KIAA0232: variants seen among roughly 807,000 people sequenced by gnomAD.
KIAA0232 encodes the protein uncharacterized protein KIAA0232.
In KIAA0232, 27 loss-of-function variants were observed where a neutral mutation model predicts 122.0. The ratio of observed to expected loss-of-function variants is 0.22; its 90% CI spans 0.16 to 0.31. The LOEUF (loss-of-function observed/expected upper bound fraction) is 0.31, where lower values mean the gene tolerates loss of function less well. KIAA0232 is among the 10% of genes least tolerant of loss of function. The pLI, the probability that KIAA0232 is intolerant of heterozygous loss-of-function variation, is 1.00. For missense variants in KIAA0232, 1,551 were observed against 1,634.2 expected (o/e 0.95, Z 0.88); for synonymous variants, 613 against 587.6 (o/e 1.04, Z -0.63).
At chr4:6,832,578 A>G (rs1165587026) in intron 3 of KIAA0232, among the ~76,000 whole-genome samples, 6 of 152,072 alleles carry the variant, frequency 3.9e-5, no homozygotes, top group Admixed American at 1.3e-4. Context: ...CGAGCTCCTG[A>G]CCTCAAGTGA....
At chr4:6,841,130 C>CT (rs1375344349) in intron 3 of KIAA0232, among the ~76,000 whole-genome samples, 2 of 152,124 alleles carry the variant, frequency 1.3e-5, no homozygotes, top group African/African-American at 4.8e-5. Flanking sequence ...TAAAGTCACT[C>CT]TAACATTATT....
chr4:6,856,342 C>A (rs142832949), intron 4 of KIAA0232, among the ~76,000 whole-genome samples: 28 of 152,254 alleles, frequency 1.8e-4, no homozygotes, highest in African/African-American at 6.7e-4. Context: ...TCTAAAGTTT[C>A]TGAGAAATAC....
chr4:6,874,907 A>G (rs1721670830), intron 8 of KIAA0232, among the ~76,000 whole-genome samples: 1 of 152,180 alleles, frequency 6.6e-6, no homozygotes, highest in African/African-American at 2.4e-5. Flanking sequence ...ACCCTCTTGT[A>G]TGTACAGAAT....
chr4:6,857,990 T>G (rs1327156166), intron 5 of KIAA0232, among the ~76,000 whole-genome samples: 1 of 152,224 alleles, frequency 6.6e-6, no homozygotes, highest in Non-Finnish European at 1.5e-5. Flanking sequence ...ACCTACATGT[T>G]AAGTAATAGA....
intron 3 of KIAA0232, among the ~76,000 whole-genome samples, chr4:6,833,156 G>C (rs1026217248): frequency 6.6e-6 from 1 of 152,116 alleles, no homozygotes; most frequent in Admixed American, 6.5e-5. Context: ...TTAACAATAG[G>C]AACTGTAAAA....
chr4:6,796,537 C>T (rs143093861), intron 1 of KIAA0232, among the ~76,000 whole-genome samples: 189 of 152,320 alleles, frequency 1.2e-3, no homozygotes, highest in African/African-American at 4.3e-3. Context: ...CCACCACACC[C>T]GACCATATTG....
At chr4:6,859,541 TTGAAA>T (rs1560198376) in intron 6 of KIAA0232, among the ~76,000 whole-genome samples, 1 of 152,228 alleles carries the variant, frequency 6.6e-6, no homozygotes, top group Non-Finnish European at 1.5e-5. Context: ...TGATTACATG[TTGAAA>T]TGATAATATC....
intron 8 of KIAA0232, among the ~76,000 whole-genome samples, chr4:6,874,517 C>T (rs138988370): frequency 9.1e-4 from 138 of 152,344 alleles, no homozygotes; most frequent in African/African-American, 3.1e-3. Context: ...GCAGTCTCCA[C>T]AGCTCACGCC....
chr4:6,832,505 C>A (rs1015040247), intron 3 of KIAA0232, among the ~76,000 whole-genome samples: 16 of 151,990 alleles, frequency 1.1e-4, no homozygotes, highest in Admixed American at 1.0e-3. Flanking sequence ...CCCACCACCA[C>A]ACCTGGCTAA....
intron 3 of KIAA0232, among the ~76,000 whole-genome samples, chr4:6,835,300 C>T (rs1375909719): frequency 2.0e-5 from 3 of 152,060 alleles, no homozygotes; most frequent in African/African-American, 7.2e-5. Context: ...TTCCATTGCA[C>T]TCTGTTGAGC....
chr4:6,842,071 A>T lies in KIAA0232; in HGVS notation c.236A>T (p.Asn79Ile). Residue 79 changes from asparagine (N) to isoleucine (I), a missense_variant, in exon 4 of 10, where the codon AAT (asparagine) becomes ATT (isoleucine). Around this residue, in one of 5 missense-constraint regions of KIAA0232, gnomAD observed 377 missense variants for 381.7 expected, o/e 0.99. Coordinates refer to ENST00000307659, the MANE Select transcript of KIAA0232 (RefSeq NM_014743.3). The part of the protein sequence containing the change: ...SYDYDLQEQE[N>I]DIFLGWEKGA... Reference sequence around the variant, plus strand: ...CCTGGTGCAATTTCATTGCAGGAGAATGACATCTTCCTGGGCTGGGAAAAA... The same window carrying T: ...CCTGGTGCAATTTCATTGCAGGAGATTGACATCTTCCTGGGCTGGGAAAAA... 1 of 1,613,520 alleles carries T rather than the reference A, an allele frequency of 6.2e-7. No homozygotes were observed. Among genetic ancestry groups the T allele is most frequent in the Non-Finnish European group, 8.5e-7 (1 of 1,179,820 alleles).
At chr4:6,790,812 A>G (rs1421874377) in intron 1 of KIAA0232, among the ~76,000 whole-genome samples, 3 of 151,024 alleles carry the variant, frequency 2.0e-5, no homozygotes, top group African/African-American at 7.3e-5. Context: ...TTTCCTTGCC[A>G]CTGCTTTCTT....
At chr4:6,799,272 C>T (rs1214519713) in intron 1 of KIAA0232, among the ~76,000 whole-genome samples, 1 of 149,712 alleles carries the variant, frequency 6.7e-6, no homozygotes, top group Non-Finnish European at 1.5e-5. Context: ...GTCTCTTATC[C>T]AATTTAGGTG....
At chr4:6,867,546 C>G (rs1721251693) in intron 7 of KIAA0232, among the ~76,000 whole-genome samples, 1 of 152,156 alleles carries the variant, frequency 6.6e-6, no homozygotes, top group Non-Finnish European at 1.5e-5. Context: ...CAACTTAGTA[C>G]CAAGCACCTT....
chr4:6,860,715 TG>T lies in KIAA0232; in HGVS notation c.519-185del, dbSNP rs1720807752. The stretch of plus-strand genomic sequence containing the variant: ...CAGTGCTGAGCAAAATGGTGCTTGA[TG>T]CATGGGACTAATCTTAAGCATATTT... On this transcript the variant is annotated intron_variant, in intron 6 of 9. Transcript: ENST00000307659. 2.6e-5 allele frequency among the ~76,000 whole-genome samples: 4 copies of T among 152,238 alleles called. No homozygotes were observed. In the South Asian group the frequency reaches 8.3e-4, roughly 31 times the overall value.
intron 2 of KIAA0232, among the ~76,000 whole-genome samples, chr4:6,818,616 A>T (rs1718257852): frequency 6.6e-6 from 1 of 152,100 alleles, no homozygotes; most frequent in African/African-American, 2.4e-5. Flanking sequence ...GACTGGAAGA[A>T]TTGATATCAT....
intron 3 of KIAA0232, among the ~76,000 whole-genome samples, chr4:6,833,450 A>G (rs1719100633): frequency 6.6e-6 from 1 of 151,884 alleles, no homozygotes; most frequent in Non-Finnish European, 1.5e-5. Flanking sequence ...GGCAACATGG[A>G]GAAACCCTGT....
chr4:6,804,527 T>C lies in KIAA0232; in HGVS notation c.-349T>C, dbSNP rs1007485794. On this transcript the variant is annotated 5_prime_UTR_variant, in exon 2 of 10. Coordinates refer to ENST00000307659, the MANE Select transcript of KIAA0232 (RefSeq NM_014743.3). ...GCCTGCTTCACTGTTGTGTAGGTAG[T>C]GTACACTGATAAAGGTAGGGCGCGG... 3 of 152,204 alleles carry C rather than the reference T, an allele frequency of 2.0e-5. No individual in the cohort carries two copies. The highest frequency in any genetic ancestry group is 4.8e-5 in the African/African-American group (2 of 41,438). 9.4% of individuals were successfully genotyped at this position (152,204 alleles called of 1,614,324 possible).
At chr4:6,836,919 A>G (rs1719321462) in intron 3 of KIAA0232, among the ~76,000 whole-genome samples, 1 of 152,196 alleles carries the variant, frequency 6.6e-6, no homozygotes, top group Non-Finnish European at 1.5e-5. Flanking sequence ...TTAGTACAGA[A>G]CAAAATGGAG....
Sources: allele counts gnomAD v4.1 joint callset (sites outside exome capture counted in the v4.1 genomes callset), GRCh38; gene constraint gnomAD v4.1.1; regional missense constraint gnomAD v4.1.1; transcripts MANE v1.5; gene names NCBI Gene and HGNC (gene_info 2026-07-23, HGNC 2026-07-21).